Variants in RPL3 observed in about 807,000 individuals in gnomAD.
RPL3 encodes the protein ribosomal protein L3.
Under a neutral mutation model 46.0 loss-of-function variants are expected in RPL3, and 3 were observed. That is an observed-to-expected ratio of 0.07 (90% CI 0.03 to 0.17). The LOEUF is 0.17. Ranked by LOEUF, RPL3 falls within the 10% of genes least tolerant of loss-of-function variation. The pLI, the probability that RPL3 is intolerant of heterozygous loss-of-function variation, is 1.00. For missense variants in RPL3, 387 were observed against 532.7 expected (o/e 0.73, Z 2.69); for synonymous variants, 224 against 190.8 (o/e 1.17, Z -1.43).
In RPL3 at chr22:39,314,215, GAAC is replaced by G. The variant is rs1922536974; in HGVS notation, c.850-10_850-8del. The G allele has an allele frequency of 6.2e-7, 1 of 1,611,770 alleles. No homozygotes were observed. The highest frequency in any genetic ancestry group is 1.7e-5 in the Admixed American group (1 of 59,992). ...CCTGGCCAATCTTATAAATCTGAATGAACAAGAAGGGTGTAAGGCTGGGGCATT... is the reference window on the plus strand; with the variant it reads ...CCTGGCCAATCTTATAAATCTGAATGAAGAAGGGTGTAAGGCTGGGGCATT... On this transcript the variant is annotated splice_region_variant and splice_polypyrimidine_tract_variant and intron_variant, in intron 6 of 9. Coordinates refer to ENST00000216146, the MANE Select transcript of RPL3 (RefSeq NM_000967.4).
chr22:39,317,382 G>A (rs1433958769), intron 3 of RPL3, 79 bp downstream of exon 3: 2 of 1,506,704 alleles, frequency 1.3e-6, no homozygotes, highest in East Asian at 2.3e-5. Flanking sequence ...CTACAGAGCT[G>A]AGAAACCATG....
At position 39,314,641 on chromosome 22, in the gene RPL3, C is replaced by T. The variant is rs538808391; in HGVS notation, c.849+45G>A. On this transcript the variant is annotated intron_variant, in intron 6 of 9. Coordinates refer to ENST00000216146, the MANE Select transcript of RPL3 (RefSeq NM_000967.4). ...GGCACAGAAACCCCACTCCCCATCA[C>T]GGGGGCCTCTTCCCACCCCCAGGGA... 3.3e-4 allele frequency: 528 copies of T among 1,576,340 alleles called. 4 individuals carry two copies. In the South Asian group the frequency reaches 5.1e-3, roughly 15 times the overall value.
chr22:39,315,236 A>G (rs1601628437), intron 5 of RPL3, 133 bp downstream of exon 5: 2 of 1,258,134 alleles, frequency 1.6e-6, no homozygotes, highest in Non-Finnish European at 2.3e-6. Flanking sequence ...GGAAGGCAGT[A>G]GAGAATGGTT....
intron 8 of RPL3, 150 bp from the exon 9 acceptor site, chr22:39,313,460 A>T: frequency 7.4e-7 from 1 of 1,360,392 alleles, no homozygotes; most frequent in Admixed American, 2.0e-5. Context: ...AGCAGCAAAC[A>T]GCCCAGCAAG....
chr22:39,317,716 G>A, intron 2 of RPL3, 87 bp from the exon 3 acceptor site: 4 of 1,491,624 alleles, frequency 2.7e-6, no homozygotes, highest in Non-Finnish European at 3.7e-6. Flanking sequence ...TGCCCATTTA[G>A]GCCGGAAGGG....
Position 39,313,256 on chromosome 22 carries a change from T to C in RPL3, c.1102A>G (p.Ile368Val), listed in dbSNP as rs150061768. The C allele has an allele frequency of 2.5e-6, 4 of 1,612,480 alleles. No individual in the cohort carries two copies. Among genetic ancestry groups the C allele is most frequent in the Non-Finnish European group, 3.4e-6 (4 of 1,179,364 alleles). ...TGGCCAAACTTGGAGGTGGTGTCAA[T>C]GAACTTAAGGTCAATCTTCTCCAGA... The part of the protein sequence containing the change: ...RALEKIDLKF[I>V]DTTSKFGHGR... Residue 368 changes from isoleucine to valine, a missense_variant, in exon 9 of 10, where the codon ATT becomes GTT. Ile to Val is a conservative substitution (Grantham distance 29, BLOSUM62 3). This residue lies in a region of RPL3 where 131 missense variants were observed against 185.1 expected (regional missense o/e 0.71). Coordinates refer to ENST00000216146, the MANE Select transcript of RPL3 (RefSeq NM_000967.4).
intron 4 of RPL3, 45 bp downstream of exon 4, chr22:39,316,661 T>C (rs751705952): frequency 3.1e-5 from 50 of 1,611,360 alleles, no homozygotes; most frequent in Middle Eastern, 2.2e-4. Flanking sequence ...CATAGGTCAC[T>C]TCTACTAAGT....
Position 39,319,603 on chromosome 22 carries a change from C to T in RPL3, c.-6G>A, listed in dbSNP as rs143897309. On this transcript the variant is annotated 5_prime_UTR_variant, in exon 1 of 10. It removes an upstream start codon present in the reference 5' UTR. Coordinates refer to ENST00000216146, the MANE Select transcript of RPL3 (RefSeq NM_000967.4). ...GCCATTACAACACATACCATCACGC[C>T]ATCAAATCCCGCCGGTAGAGGCCGG... is the stretch of plus-strand genomic sequence containing the variant. The T allele has an allele frequency of 0.012, 18,751 of 1,548,908 alleles. 161 individuals carry two copies. The highest frequency in any genetic ancestry group is 0.014 in the Non-Finnish European group (16,258 of 1,142,178).
chr22:39,313,818 G>A (rs1922508371), intron 7 of RPL3, 89 bp from the exon 8 acceptor site: 10 of 1,215,014 alleles, frequency 8.2e-6, no homozygotes, highest in Non-Finnish European at 1.2e-5. Flanking sequence ...CTGACCACAG[G>A]GCTGTTCTCA....
At chr22:39,318,701 A>G in intron 1 of RPL3, 109 bp from the exon 2 acceptor site, 1 of 886,596 alleles carries the variant, frequency 1.1e-6, no homozygotes, top group Non-Finnish European at 1.7e-6. Flanking sequence ...AATCCTGACC[A>G]GACACCCAGC....
Position 39,319,125 on chromosome 22 carries a change from C to G in RPL3, c.3+470G>C, listed in dbSNP as rs769063820. On this transcript the variant is annotated intron_variant, in intron 1 of 9. Transcript: ENST00000216146. ...GTTCATCATCTGTGGTTTCTGCGAG[C>G]TCCAGAGGCCTTCGGAGTGCACCAG... 5.5e-6 allele frequency: 3 copies of G among 540,936 alleles called. No homozygotes were observed. The African/African-American group carries it at 5.7e-5, about 10-fold the overall frequency. 33.5% of individuals were successfully genotyped at this position (540,936 alleles called of 1,614,324 possible).
At position 39,317,007 on chromosome 22, in the gene RPL3, C is replaced by T. The variant is rs570183179; in HGVS notation, c.366-166G>A. 2.1e-5 allele frequency: 22 copies of T among 1,026,218 alleles called. No individual in the cohort carries two copies. In the South Asian group the frequency reaches 2.9e-4, roughly 13 times the overall value. 63.6% of individuals were successfully genotyped at this position (1,026,218 alleles called of 1,614,324 possible). ...CGGAGCCTGGATGGAGCTCATCGGG[C>T]AGAGCCGAGCGGAGCTGAGCAGAGG... On this transcript the variant is annotated intron_variant, in intron 3 of 9. Transcript: ENST00000216146.
At chr22:39,319,301 G>A (rs897720236) in intron 1 of RPL3, 8 of 561,096 alleles carry the variant, frequency 1.4e-5, no homozygotes, top group African/African-American at 1.3e-4. Context: ...GATAGAATTG[G>A]TGAGGTCGAA....
At position 39,318,513 on chromosome 22, in the gene RPL3, T is replaced by C. The variant is rs1450752948; in HGVS notation, c.83A>G (p.Lys28Arg). ...PRKRSSRHRG[K>R]VKSFPKDDPS... ...GTCATCCTTAGGGAAGCTCTTCACCTTCCCACGATGCCTGCTGCTGCGCTT... is the reference window on the plus strand; with the variant it reads ...GTCATCCTTAGGGAAGCTCTTCACCCTCCCACGATGCCTGCTGCTGCGCTT... The change falls in exon 2 of 10, where the codon AAG (lysine) becomes AGG (arginine). Residue 28 changes from lysine to arginine, a missense_variant. This residue lies in a region of RPL3 where 196 missense variants were observed against 217.5 expected (regional missense o/e 0.90). Coordinates refer to ENST00000216146, the MANE Select transcript of RPL3 (RefSeq NM_000967.4). 2 of 1,613,966 alleles carry C rather than the reference T, an allele frequency of 1.2e-6. No individual in the cohort carries two copies. Among genetic ancestry groups the C allele is most frequent in the Non-Finnish European group, 1.7e-6 (2 of 1,179,900 alleles).
Position 39,312,884 on chromosome 22 carries a change from T to G in RPL3, c.*56A>C, listed in dbSNP as rs1922445957. On this transcript the variant is annotated 3_prime_UTR_variant, in exon 10 of 10. Transcript: ENST00000216146. ...CTCTCCTGAAGAAAGAGGCAAGATG[T>G]CAGTGGAAAATAACTTTTATTGAGA... is the stretch of plus-strand genomic sequence containing the variant. 1.2e-6 allele frequency: 2 copies of G among 1,606,290 alleles called. No individual in the cohort carries two copies. Among genetic ancestry groups the G allele is most frequent in the South Asian group, 1.1e-5 (1 of 90,868 alleles).
At chr22:39,318,628 C>A (rs773042430) in intron 1 of RPL3, 36 bp from the exon 2 acceptor site, 28 of 1,535,158 alleles carry the variant, frequency 1.8e-5, no homozygotes, top group Non-Finnish European at 2.2e-5. Context: ...GCACCCAAAC[C>A]AAAGCAGTGC....
chr22:39,313,936 C>A (rs766574087), intron 7 of RPL3, 171 bp downstream of exon 7: 1 of 833,962 alleles, frequency 1.2e-6, no homozygotes, highest in Non-Finnish European at 2.1e-6. Flanking sequence ...CACTTCTCAC[C>A]AGCCAACCCC....
chr22:39,317,299 C>T (rs150024043), intron 3 of RPL3, 162 bp downstream of exon 3: 2 of 800,478 alleles, frequency 2.5e-6, no homozygotes, highest in Non-Finnish European at 3.8e-6. Flanking sequence ...AACCAGATGG[C>T]TGGCCAAGTC....
chr22:39,314,968 G>T, intron 5 of RPL3, 122 bp from the exon 6 acceptor site: 1 of 1,375,064 alleles, frequency 7.3e-7, no homozygotes, highest in Non-Finnish European at 1.0e-6. Context: ...TATTTCATGT[G>T]CATTACCCAC....
Sources: allele counts gnomAD v4.1 joint callset, GRCh38; gene constraint gnomAD v4.1.1; regional missense constraint gnomAD v4.1.1; transcripts MANE v1.5; gene names NCBI Gene and HGNC (gene_info 2026-07-23, HGNC 2026-07-21).